Variants in MATCAP2 observed in about 807,000 individuals in gnomAD.
MATCAP2 encodes the protein microtubule associated tyrosine carboxypeptidase 2.
the MATCAP2 span, among the ~76,000 whole-genome samples, chr7:36,336,800 T>G: frequency 6.6e-6 from 1 of 151,986 alleles, no homozygotes. Context: ...TAAAAAAATT[T>G]TTTTAAAGAA....
the MATCAP2 span, among the ~76,000 whole-genome samples, chr7:36,387,003 T>C: frequency 6.6e-6 from 1 of 152,268 alleles, no homozygotes; most frequent in South Asian, 2.1e-4. Context: ...AAATGTCCAT[T>C]AACAGGATAA....
At chr7:36,356,768 T>C in the MATCAP2 span, 1 of 761,810 alleles carries the variant, frequency 1.3e-6, no homozygotes, top group Non-Finnish European at 2.2e-6. Context: ...CACATTTACA[T>C]GTCCTGAGTG....
chr7:36,369,360 C>G, the MATCAP2 span, among the ~76,000 whole-genome samples: 18 of 152,306 alleles, frequency 1.2e-4, no homozygotes, highest in African/African-American at 4.3e-4. Context: ...CAACATATGT[C>G]CTAAGGAAAA....
the MATCAP2 span, among the ~76,000 whole-genome samples, chr7:36,382,889 A>G: frequency 1.3e-5 from 2 of 152,244 alleles, no homozygotes; most frequent in Non-Finnish European, 2.9e-5. Context: ...ACTCTTTATG[A>G]AAGGATTTAC....
the MATCAP2 span, among the ~76,000 whole-genome samples, chr7:36,360,829 A>G: frequency 6.6e-6 from 1 of 152,178 alleles, no homozygotes; most frequent in African/African-American, 2.4e-5. Flanking sequence ...TGAAAAATTA[A>G]AACATTTTAA....
the MATCAP2 span, among the ~76,000 whole-genome samples, chr7:36,360,238 C>A: frequency 1.3e-5 from 2 of 152,128 alleles, no homozygotes; most frequent in Middle Eastern, 3.4e-3. Flanking sequence ...AGTTTTTTGT[C>A]GTAAAGCATC....
chr7:36,345,283 A>C, the MATCAP2 span, among the ~76,000 whole-genome samples: 1 of 152,194 alleles, frequency 6.6e-6, no homozygotes, highest in Non-Finnish European at 1.5e-5. Flanking sequence ...TCATTTCTGA[A>C]TCTTTCCCAC....
At chr7:36,383,035 G>A in the MATCAP2 span, among the ~76,000 whole-genome samples, 1 of 151,888 alleles carries the variant, frequency 6.6e-6, no homozygotes, top group Non-Finnish European at 1.5e-5. Context: ...ACTGGTTTTT[G>A]GAAACAATAT....
chr7:36,333,062 G>T, the MATCAP2 span, among the ~76,000 whole-genome samples: 1 of 152,186 alleles, frequency 6.6e-6, no homozygotes, highest in South Asian at 2.1e-4. Flanking sequence ...CTGGGGGAAG[G>T]GGTGGCAGTG....
chr7:36,376,509 A>C, the MATCAP2 span, among the ~76,000 whole-genome samples: 1 of 152,186 alleles, frequency 6.6e-6, no homozygotes, highest in South Asian at 2.1e-4. Context: ...CTTTACTTCC[A>C]ACTGTGTCGT....
chr7:36,366,579 A>C, the MATCAP2 span: 1 of 1,110,806 alleles, frequency 9.0e-7, no homozygotes, highest in Non-Finnish European at 1.3e-6. Flanking sequence ...AAAATTATGA[A>C]GCTTAATCAC....
chr7:36,368,007 T>C, the MATCAP2 span, among the ~76,000 whole-genome samples: 1 of 150,396 alleles, frequency 6.6e-6, no homozygotes, highest in South Asian at 2.1e-4. Context: ...GAGAATGTAG[T>C]GAGCCATGAT....
chr7:36,335,498 A>G, the MATCAP2 span, among the ~76,000 whole-genome samples: 3 of 152,246 alleles, frequency 2.0e-5, no homozygotes, highest in Non-Finnish European at 4.4e-5. Flanking sequence ...AAGAAGATAC[A>G]GGTGCCAGAA....
At chr7:36,385,627 A>G in the MATCAP2 span, among the ~76,000 whole-genome samples, 2 of 151,926 alleles carry the variant, frequency 1.3e-5, no homozygotes, top group Non-Finnish European at 2.9e-5. Context: ...TCTACAAAAA[A>G]TTTTAAAAAG....
the MATCAP2 span, chr7:36,334,312 G>A: frequency 3.1e-5 from 19 of 616,924 alleles, no homozygotes; most frequent in Admixed American, 4.1e-4. Flanking sequence ...CGAGGCATGC[G>A]GATCACTTGA....
chr7:36,374,193 C>T, the MATCAP2 span, among the ~76,000 whole-genome samples: 1 of 152,150 alleles, frequency 6.6e-6, no homozygotes, highest in African/African-American at 2.4e-5. Context: ...ATCCTCCCAC[C>T]TCAGACTCCT....
chr7:36,336,091 T>G, the MATCAP2 span: 1 of 1,205,042 alleles, frequency 8.3e-7, no homozygotes, highest in Non-Finnish European at 1.1e-6. Context: ...ATAAATAAAA[T>G]AAAATAAAAT....
chr7:36,390,065 A>G, the MATCAP2 span: 1 of 1,613,426 alleles, frequency 6.2e-7, no homozygotes, highest in Non-Finnish European at 8.5e-7. Flanking sequence ...TTGCGGGTGC[A>G]GCCAGCCATG....
chr7:36,371,127 A>G, the MATCAP2 span, among the ~76,000 whole-genome samples: 6 of 152,216 alleles, frequency 3.9e-5, no homozygotes, highest in East Asian at 9.6e-4. Flanking sequence ...TTGTTTTGGG[A>G]CAGGGTCTCA....
Sources: gnomAD v4.1 joint callset for allele counts (sites outside exome capture counted in the v4.1 genomes callset) on GRCh38, gnomAD v4.1.1 for gene constraint, MANE v1.5 for transcripts, NCBI Gene and HGNC (gene_info 2026-07-23, HGNC 2026-07-21) for gene names.